Variants in FRMD4A observed in about 807,000 individuals in gnomAD.
The protein encoded by FRMD4A is FERM domain containing 4A.
In FRMD4A, 29 loss-of-function variants were observed where a neutral mutation model predicts 129.1. The observed-to-expected ratio is 0.22, with a 90% CI of 0.17 to 0.31. The LOEUF (loss-of-function observed/expected upper bound fraction) is 0.31. FRMD4A is among the 10% of genes least tolerant of loss of function. FRMD4A has a pLI of 1.00. For missense variants in FRMD4A, 1,272 were observed against 1,375.8 expected, an observed-to-expected ratio of 0.92 and a Z score of 1.19; for synonymous variants, 634 against 571.6, an observed-to-expected ratio of 1.11 and a Z score of -1.56.
intron 2 of FRMD4A, among the ~76,000 whole-genome samples, chr10:14,149,043 A>G (rs1840218634): frequency 6.6e-6 from 1 of 152,164 alleles, no homozygotes; most frequent in African/African-American, 2.4e-5. Flanking sequence ...ATAACAAAAT[A>G]TTGATAAGGA....
In FRMD4A at chr10:13,734,362, C is replaced by G. The variant is rs147036513; in HGVS notation, c.759+3482G>C. ...ACAATGGAAATCTGACACTATACTCCTCAGCTTCAAATAGACCGCGGCTAA... is the reference window on the plus strand; with the variant it reads ...ACAATGGAAATCTGACACTATACTCGTCAGCTTCAAATAGACCGCGGCTAA... On this transcript the variant is annotated intron_variant, in intron 12 of 24. Transcript: ENST00000357447. Among the ~76,000 whole-genome samples, 734 of 152,276 alleles carry G rather than the reference C, an allele frequency of 4.8e-3. 1 individual carries two copies. The highest frequency in any genetic ancestry group is 0.014 in the Middle Eastern group (4 of 294).
intron 2 of FRMD4A, among the ~76,000 whole-genome samples, chr10:13,938,971 A>G (rs1389815738): frequency 6.6e-6 from 1 of 152,242 alleles, no homozygotes; most frequent in Non-Finnish European, 1.5e-5. Context: ...ATCGGTTGAT[A>G]GAGGCCAGGG....
intron 2 of FRMD4A, among the ~76,000 whole-genome samples, chr10:13,937,238 C>T (rs1212427263): frequency 1.3e-5 from 2 of 152,170 alleles, no homozygotes; most frequent in African/African-American, 2.4e-5. Flanking sequence ...TAACAGCAAC[C>T]CTCAGGTGGG....
intron 2 of FRMD4A, among the ~76,000 whole-genome samples, chr10:14,195,087 C>A (rs1383895640): frequency 6.6e-6 from 1 of 152,294 alleles, no homozygotes; most frequent in African/African-American, 2.4e-5. Flanking sequence ...TAGGCTCACA[C>A]AGAACAATAA....
chr10:13,750,097 A>AAAGAAATG lies in FRMD4A; in HGVS notation c.465-2279_465-2278insCATTTCTT, dbSNP rs1564739147. ...GAAAGAAAGAAAGAAAGAAAGAAAGAAAGAAAGAAATGAAGAAAGAAAGAA... is the reference window on the plus strand; with the variant it reads ...GAAAGAAAGAAAGAAAGAAAGAAAGAAAGAAATGAAGAAAGAAATGAAGAAAGAAAGAA... On this transcript the variant is annotated intron_variant, in intron 8 of 24. Transcript: ENST00000357447. Among the ~76,000 whole-genome samples, 260 of 108,032 alleles carry AAAGAAATG rather than the reference A, an allele frequency of 2.4e-3. 2 individuals carry two copies. The highest frequency in any genetic ancestry group is 3.8e-3 in the Non-Finnish European group (184 of 48,996). The allele number at this position is 108,032 out of a possible 152,430, so 70.9% of individuals were successfully genotyped here.
At chr10:13,808,077 G>A (rs1443118085) in intron 4 of FRMD4A, among the ~76,000 whole-genome samples, 3 of 152,196 alleles carry the variant, frequency 2.0e-5, no homozygotes, top group Admixed American at 6.5e-5. Context: ...GGGATTACAG[G>A]TGTGAGCCAC....
chr10:14,122,030 A>T (rs17154673), intron 2 of FRMD4A, among the ~76,000 whole-genome samples: 40,692 of 152,144 alleles, frequency 0.27, 6,467 homozygotes, highest in East Asian at 0.5. Flanking sequence ...TTACACTATT[A>T]GAAAGTGCAC....
Position 13,651,325 on chromosome 10 carries a change from C to G in FRMD4A, c.*2+578G>C, listed in dbSNP as rs1182498322. ...TGCTTCTGGAGCCACTGAGTCGGCC[C>G]TTGGTGCTTTGAAACTTACATTGCA... On this transcript the variant is annotated intron_variant, in intron 24 of 24. Transcript: ENST00000357447. The G allele has an allele frequency of 2.0e-5, 3 of 152,522 alleles. No homozygotes were observed. In the East Asian group the frequency reaches 5.8e-4, roughly 29 times the overall value. 9.4% of individuals were successfully genotyped at this position (152,522 alleles called of 1,614,324 possible). A position where few individuals can be genotyped will look rare whatever the true frequency, so the allele number is the denominator to read the frequency against.
chr10:14,101,964 G>A (rs1269100677), intron 2 of FRMD4A, among the ~76,000 whole-genome samples: 1 of 152,074 alleles, frequency 6.6e-6, no homozygotes, highest in Non-Finnish European at 1.5e-5. Flanking sequence ...AGAACTTAAT[G>A]AAAAAAATTA....
At chr10:14,124,432 T>C (rs1024930914) in intron 2 of FRMD4A, among the ~76,000 whole-genome samples, 3 of 152,082 alleles carry the variant, frequency 2.0e-5, no homozygotes, top group Admixed American at 6.5e-5. Context: ...TCCTAGCACT[T>C]TGGGAGGCCG....
At chr10:13,868,336 G>A (rs963475561) in intron 2 of FRMD4A, among the ~76,000 whole-genome samples, 7 of 151,250 alleles carry the variant, frequency 4.6e-5, no homozygotes, top group Non-Finnish European at 8.8e-5. Context: ...ACTTTTGTTC[G>A]GTTCTCAAGT....
intron 2 of FRMD4A, among the ~76,000 whole-genome samples, chr10:13,942,054 T>C (rs1207006320): frequency 6.6e-6 from 1 of 152,094 alleles, no homozygotes; most frequent in African/African-American, 2.4e-5. Flanking sequence ...GAAGGTGTGG[T>C]TTTCTGAAGA....
At chr10:13,846,050 A>C (rs1379968849) in intron 3 of FRMD4A, among the ~76,000 whole-genome samples, 1 of 152,210 alleles carries the variant, frequency 6.6e-6, no homozygotes, top group Non-Finnish European at 1.5e-5. Flanking sequence ...TGGGAATAAT[A>C]ACAGTTACCT....
Position 14,096,093 on chromosome 10 carries a change from T to C in FRMD4A, c.45+233965A>G, listed in dbSNP as rs543131023. ...GTTGTTCCCCTCCAAAATTCATATGTTGAAATCTAATTCCCAACACGTGGG... is the reference window on the plus strand; with the variant it reads ...GTTGTTCCCCTCCAAAATTCATATGCTGAAATCTAATTCCCAACACGTGGG... On this transcript the variant is annotated intron_variant, in intron 2 of 24. Transcript: ENST00000357447. Among the ~76,000 whole-genome samples the C allele has an allele frequency of 5.3e-5, 8 of 152,366 alleles. No homozygotes were observed. The South Asian group carries it at 1.7e-3, about 32-fold the overall frequency.
intron 15 of FRMD4A, chr10:13,693,670 G>T (rs948554182): frequency 1.5e-5 from 10 of 657,570 alleles, no homozygotes; most frequent in Admixed American, 9.2e-5. Context: ...CTTGCACTGC[G>T]TGGTTCTACT....
At chr10:14,206,452 G>C (rs1456559046) in intron 2 of FRMD4A, among the ~76,000 whole-genome samples, 2 of 151,918 alleles carry the variant, frequency 1.3e-5, no homozygotes, top group East Asian at 3.9e-4. Flanking sequence ...TTTATTTCTT[G>C]TCACTATCTC....
intron 2 of FRMD4A, among the ~76,000 whole-genome samples, chr10:14,003,275 A>C (rs1405032325): frequency 6.6e-6 from 1 of 152,102 alleles, no homozygotes. Context: ...ATGGAAAGAG[A>C]GGAGGCAGGA....
intron 5 of FRMD4A, among the ~76,000 whole-genome samples, chr10:13,794,500 C>A (rs2093071308): frequency 6.6e-6 from 1 of 151,712 alleles, no homozygotes. Context: ...CTTGATGGGA[C>A]CATGGAAGGT....
At position 13,761,537 on chromosome 10, in the gene FRMD4A, T is replaced by A. The variant is rs112047335; in HGVS notation, c.464+110A>T. On this transcript the variant is annotated intron_variant, in intron 8 of 24. Transcript: ENST00000357447. ...TGAGAGTTAGATCTCATCATTAACATATAACATGAATAAATTGTCCACCTA... is the reference window on the plus strand; with the variant it reads ...TGAGAGTTAGATCTCATCATTAACAAATAACATGAATAAATTGTCCACCTA... 3.5e-4 allele frequency: 261 copies of A among 750,736 alleles called. No individual in the cohort carries two copies. In the African/African-American group the frequency reaches 4.0e-3, roughly 11 times the overall value. The allele number at this position is 750,736 out of a possible 1,614,324, so 46.5% of individuals were successfully genotyped here. A position where few individuals can be genotyped will look rare whatever the true frequency, so the allele number is the denominator to read the frequency against.
Sources: allele counts gnomAD v4.1 joint callset (sites outside exome capture counted in the v4.1 genomes callset), GRCh38; gene constraint gnomAD v4.1.1; transcripts MANE v1.5; gene names NCBI Gene and HGNC (gene_info 2026-07-23, HGNC 2026-07-21).